Variants in MRTFB observed in about 807,000 individuals in gnomAD.
The protein encoded by MRTFB is myocardin related transcription factor B.
A neutral mutation model predicts 104.2 loss-of-function variants in MRTFB; 29 were observed. The observed-to-expected ratio is 0.28, with a 90% confidence interval of 0.21 to 0.38. The LOEUF is 0.38. Ranked by LOEUF, MRTFB falls within the 10% of genes least tolerant of loss-of-function variation. MRTFB has a pLI of 1.00. For synonymous variants in MRTFB, 535 were observed against 519.5 expected (o/e 1.03, Z -0.41); for missense variants, 1,270 against 1,341.6 (o/e 0.95, Z 0.83).
intron 1 of MRTFB, among the ~76,000 whole-genome samples, chr16:14,074,722 A>T (rs2033932721): frequency 4.6e-5 from 7 of 152,218 alleles, no homozygotes. Context: ...AATGATTAAC[A>T]CCAAAAACTT....
At chr16:14,153,213 A>G (rs1422935125) in intron 3 of MRTFB, 1 of 152,228 alleles carries the variant, frequency 6.6e-6, no homozygotes. Flanking sequence ...TAAAATATAA[A>G]TAAAATGTGT....
At chr16:14,117,151 A>G (rs2036582340) in intron 2 of MRTFB, among the ~76,000 whole-genome samples, 1 of 152,236 alleles carries the variant, frequency 6.6e-6, no homozygotes, top group African/African-American at 2.4e-5. Context: ...CCAAGGAATT[A>G]TTTCCTGCCT....
At chr16:14,106,398 G>C (rs2035978926) in intron 2 of MRTFB, among the ~76,000 whole-genome samples, 2 of 152,140 alleles carry the variant, frequency 1.3e-5, no homozygotes, top group South Asian at 2.1e-4. Context: ...CTTTAAATCA[G>C]TTCTTTCAAA....
At chr16:14,189,310 A>G (rs942560618) in intron 3 of MRTFB, among the ~76,000 whole-genome samples, 7 of 152,220 alleles carry the variant, frequency 4.6e-5, no homozygotes, top group Admixed American at 1.3e-4. Flanking sequence ...GATGAACAAC[A>G]GTGTTTAGCT....
upstream of MRTFB, among the ~76,000 whole-genome samples, chr16:14,066,611 T>A (rs974721508): frequency 8.5e-5 from 13 of 152,124 alleles, no homozygotes; most frequent in Non-Finnish European, 1.5e-4. Context: ...TTTTAAGCTC[T>A]GTTGGACTTG....
chr16:14,130,809 G>GA (rs2037400922), intron 2 of MRTFB, among the ~76,000 whole-genome samples: 3 of 139,364 alleles, frequency 2.2e-5, no homozygotes, highest in African/African-American at 9.7e-5. Context: ...TGGCGGAAGG[G>GA]GAGCAAACAC....
intron 6 of MRTFB, among the ~76,000 whole-genome samples, chr16:14,216,083 A>G (rs2041409874): frequency 6.6e-6 from 1 of 152,276 alleles, no homozygotes. Context: ...ACAGATATGA[A>G]TCATTTTGTG....
chr16:14,218,445 C>A lies in MRTFB; in HGVS notation c.515-375C>A, dbSNP rs180795286. On this transcript the variant is annotated intron_variant, in intron 7 of 16. Coordinates refer to ENST00000571589, the MANE Select transcript of MRTFB (RefSeq NM_001308142.2). ...CCTCTGCCTGATATTTCTGTTAAAT[C>A]TTAATCTATTGGGTGGATCTTTTTT... Among the ~76,000 whole-genome samples the A allele has an allele frequency of 4.4e-3, 666 of 152,206 alleles. 12 individuals are homozygous for A. The highest frequency in any genetic ancestry group is 3.3e-3 in the Non-Finnish European group (227 of 68,016).
At chr16:14,089,276 C>T (rs2034908008) in intron 2 of MRTFB, among the ~76,000 whole-genome samples, 1 of 152,116 alleles carries the variant, frequency 6.6e-6, no homozygotes, top group Non-Finnish European at 1.5e-5. Context: ...TTCATCACCC[C>T]AAAAAGAAAT....
chr16:14,157,370 C>G, intron 3 of MRTFB, among the ~76,000 whole-genome samples: 1 of 151,964 alleles, frequency 6.6e-6, no homozygotes, highest in East Asian at 1.9e-4. Context: ...CTGATAATAC[C>G]ACTCAAAAGT....
chr16:14,261,708 A>G lies in MRTFB; in HGVS notation c.*264A>G. ...CGACTCATCTATTTCTCCAGACTTC[A>G]GTAAAGAATGAAAAGTACCTTTAGA... On this transcript the variant is annotated 3_prime_UTR_variant, in exon 17 of 17. Coordinates refer to ENST00000571589, the MANE Select transcript of MRTFB (RefSeq NM_001308142.2). The G allele has an allele frequency of 5.0e-6, 2 of 399,256 alleles. No individual in the cohort carries two copies. The highest frequency in any genetic ancestry group is 6.5e-5 in the South Asian group (1 of 15,502). The allele number at this position is 399,256 out of a possible 1,614,324, so 24.7% of individuals were successfully genotyped here.
At chr16:14,184,899 T>G (rs569467179) in intron 3 of MRTFB, among the ~76,000 whole-genome samples, 3 of 152,324 alleles carry the variant, frequency 2.0e-5, no homozygotes, top group African/African-American at 7.2e-5. Flanking sequence ...GTGACTTGAG[T>G]CTTGGCGTGT....
At chr16:14,132,038 C>G (rs1323911459) in intron 2 of MRTFB, among the ~76,000 whole-genome samples, 1 of 152,172 alleles carries the variant, frequency 6.6e-6, no homozygotes, top group Non-Finnish European at 1.5e-5. Flanking sequence ...AGTCCATCAT[C>G]TGATGCATGG....
chr16:14,030,189 G>A, the MRTFB span, among the ~76,000 whole-genome samples: 1 of 152,180 alleles, frequency 6.6e-6, no homozygotes, highest in African/African-American at 2.4e-5. Context: ...GGAGTCAGCA[G>A]GAGCCTCAGA....
At chr16:14,064,265 T>C in the MRTFB span, among the ~76,000 whole-genome samples, 1 of 152,242 alleles carries the variant, frequency 6.6e-6, no homozygotes, top group African/African-American at 2.4e-5. Flanking sequence ...GTTGGCTGTA[T>C]ACATGTCGTC....
intron 9 of MRTFB, 141 bp downstream of exon 9, chr16:14,234,424 A>C (rs2042406887): frequency 1.1e-6 from 1 of 928,224 alleles, no homozygotes; most frequent in Non-Finnish European, 1.6e-6. Context: ...AGCCATGCAA[A>C]GACTTGCTAG....
upstream of MRTFB, among the ~76,000 whole-genome samples, chr16:14,070,434 T>A (rs1006984218): frequency 6.6e-6 from 1 of 152,224 alleles, no homozygotes; most frequent in African/African-American, 2.4e-5. Flanking sequence ...ATCATGTACA[T>A]TCTGATTCTC....
chr16:14,243,864 G>GTTTGTTTTT (rs750881308), intron 10 of MRTFB, among the ~76,000 whole-genome samples: 1 of 124,676 alleles, frequency 8.0e-6, no homozygotes, highest in African/African-American at 3.8e-5. Flanking sequence ...CCTGTTTTGG[G>GTTTGTTTTT]TTTTTTTTTT....
At chr16:14,029,396 ACT>A in the MRTFB span, among the ~76,000 whole-genome samples, 1 of 125,662 alleles carries the variant, frequency 8.0e-6, no homozygotes, top group African/African-American at 3.2e-5. Context: ...ACGGAGCAAG[ACT>A]CTGTCTTAAA....
Sources: gnomAD v4.1 joint callset for allele counts (sites outside exome capture counted in the v4.1 genomes callset) on GRCh38, gnomAD v4.1.1 for gene constraint, MANE v1.5 for transcripts, NCBI Gene and HGNC (gene_info 2026-07-23, HGNC 2026-07-21) for gene names.